The following CTXN3 variants were observed in gnomAD, a reference collection of about 807,000 sequenced individuals.
The protein encoded by CTXN3 is cortexin-3.
Under a neutral mutation model 5.0 loss-of-function variants are expected in CTXN3, and 4 were observed. The ratio of observed to expected loss-of-function variants is 0.79; its 90% CI spans 0.39 to 1.82. The LOEUF (loss-of-function observed/expected upper bound fraction) is 1.82. CTXN3 is among the 40% of genes most tolerant of loss of function. The probability of loss-of-function intolerance (pLI) is 0.04; values close to 1 mark genes in which losing one functional copy is unlikely to be tolerated. For missense variants in CTXN3, 89 were observed against 99.7 expected (o/e 0.89, Z 0.46); for synonymous variants, 48 against 38.6 (o/e 1.24, Z -0.91).
At chr5:127,650,091 A>T (rs1419985509) in intron 1 of CTXN3, among the ~76,000 whole-genome samples, 1 of 152,100 alleles carries the variant, frequency 6.6e-6, no homozygotes, top group Non-Finnish European at 1.5e-5. Flanking sequence ...TAAGAGGAAG[A>T]TGAAGATGGG....
At position 127,656,696 on chromosome 5, in the gene CTXN3, G is replaced by T. The variant is rs548146832; in HGVS notation, c.-99-727G>T. On this transcript the variant is annotated intron_variant, in intron 2 of 2. Coordinates refer to ENST00000379445, the MANE Select transcript of CTXN3 (RefSeq NM_001048252.3). ...CATAGCTCCCTTAGTTGTGTCTTAG[G>T]TGAAGCAACACTTGGCTTTGTTTGT... 2.6e-5 allele frequency among the ~76,000 whole-genome samples: 4 copies of T among 152,322 alleles called. No homozygotes were observed. In the East Asian group the frequency reaches 5.8e-4, roughly 22 times the overall value.
At chr5:127,655,498 T>C (rs1749887370) in intron 2 of CTXN3, among the ~76,000 whole-genome samples, 1 of 152,234 alleles carries the variant, frequency 6.6e-6, no homozygotes, top group African/African-American at 2.4e-5. Flanking sequence ...ATCAGCGGGC[T>C]TTCCTTTGGC....
At chr5:127,650,470 T>C (rs141142210) in intron 1 of CTXN3, among the ~76,000 whole-genome samples, 1,671 of 152,222 alleles carry the variant, frequency 0.011, 15 homozygotes, top group Non-Finnish European at 0.018. Flanking sequence ...AGGGCTGTAC[T>C]TGGAAAAAAA....
In CTXN3 at chr5:127,657,671, G is replaced by T. The variant is rs200025270; in HGVS notation, c.150G>T (p.Arg50=). The change falls in exon 3 of 3, where the codon CGG becomes CGT. Residue 50 remains arginine, a synonymous_variant. Coordinates refer to ENST00000379445, the MANE Select transcript of CTXN3 (RefSeq NM_001048252.3). ...GCATTCTCATTGTCCGGTGCTTCCG[G>T]ATTCTTTTGGATCCATATCGAAGCA... The part of the protein sequence containing the change: ...FLGILIVRCF[R]ILLDPYRSMP... The T allele has an allele frequency of 3.1e-6, 5 of 1,614,192 alleles. No individual in the cohort carries two copies. In the African/African-American group the frequency reaches 4.0e-5, roughly 13 times the overall value.
chr5:127,655,484 T>C (rs1013271621), intron 2 of CTXN3, among the ~76,000 whole-genome samples: 15 of 152,236 alleles, frequency 9.9e-5, no homozygotes, highest in African/African-American at 3.6e-4. Flanking sequence ...TCTGCTCCTC[T>C]GTCATCAGCG....
chr5:127,650,992 A>G (rs1427571318), intron 1 of CTXN3, among the ~76,000 whole-genome samples: 2 of 152,200 alleles, frequency 1.3e-5, no homozygotes, highest in Non-Finnish European at 2.9e-5. Flanking sequence ...AGCCATGTTA[A>G]CATTTCCACA....
chr5:127,650,348 T>C (rs1749759221), intron 1 of CTXN3, among the ~76,000 whole-genome samples: 1 of 152,184 alleles, frequency 6.6e-6, no homozygotes, highest in Admixed American at 6.5e-5. Flanking sequence ...TATGAAATCA[T>C]TGTTCGTAGG....
intron 1 of CTXN3, chr5:127,651,886 T>C (rs1050922276): frequency 2.0e-5 from 3 of 152,018 alleles, no homozygotes; most frequent in Non-Finnish European, 4.4e-5. Context: ...AGAGAAAGTA[T>C]TTTTTCCTTA....
chr5:127,650,714 G>A (rs1305946487), intron 1 of CTXN3, among the ~76,000 whole-genome samples: 1 of 152,158 alleles, frequency 6.6e-6, no homozygotes, highest in Non-Finnish European at 1.5e-5. Flanking sequence ...GATTTGTAGG[G>A]GAATAATATT....
chr5:127,650,591 G>A (rs1309430318), intron 1 of CTXN3, among the ~76,000 whole-genome samples: 1 of 152,128 alleles, frequency 6.6e-6, no homozygotes, highest in Non-Finnish European at 1.5e-5. Context: ...TTCTTTGCTG[G>A]TAAGCAAGAG....
intron 2 of CTXN3, among the ~76,000 whole-genome samples, chr5:127,656,412 C>T (rs149786784): frequency 2.3e-3 from 354 of 152,208 alleles, no homozygotes; most frequent in African/African-American, 8.2e-3. Context: ...GTTAGCTTGT[C>T]CTTTTCCTTC....
intron 1 of CTXN3, among the ~76,000 whole-genome samples, chr5:127,651,464 T>C (rs546091971): frequency 4.6e-5 from 7 of 152,296 alleles, no homozygotes; most frequent in African/African-American, 1.7e-4. Flanking sequence ...TCTACCATCA[T>C]TTGGCGTTGG....
chr5:127,654,827 A>AAGG (rs1281370631), intron 2 of CTXN3, among the ~76,000 whole-genome samples: 2 of 152,168 alleles, frequency 1.3e-5, no homozygotes, highest in African/African-American at 4.8e-5. Context: ...GGTCATTCTC[A>AAGG]AGGACTCAAA....
chr5:127,657,647 C>A lies in CTXN3; in HGVS notation c.126C>A (p.Gly42=). ...TGATTCTGTTGTTTATTTTCTTGGGCATTCTCATTGTCCGGTGCTTCCGGA... is the reference window on the plus strand; with the variant it reads ...TGATTCTGTTGTTTATTTTCTTGGGAATTCTCATTGTCCGGTGCTTCCGGA... The part of the protein sequence containing the change: ...VFVILLFIFL[G]ILIVRCFRIL... The change falls in exon 3 of 3, where the codon GGC becomes GGA. Residue 42 remains glycine, a synonymous_variant. Transcript: ENST00000379445. 1 of 1,614,174 alleles carries A rather than the reference C, an allele frequency of 6.2e-7. No individual in the cohort carries two copies. The highest frequency in any genetic ancestry group is 1.3e-5 in the African/African-American group (1 of 75,044).
At chr5:127,653,508 T>C (rs1381263834) in intron 2 of CTXN3, 85 bp downstream of exon 2, 1 of 152,166 alleles carries the variant, frequency 6.6e-6, no homozygotes, top group Admixed American at 6.5e-5. Flanking sequence ...CAAAATCCTT[T>C]GAAATAATAG....
At chr5:127,650,172 A>C (rs1034750416) in intron 1 of CTXN3, among the ~76,000 whole-genome samples, 1 of 152,172 alleles carries the variant, frequency 6.6e-6, no homozygotes, top group Non-Finnish European at 1.5e-5. Context: ...GCTTAAAAGC[A>C]GCAGTGAGTT....
At position 127,649,406 on chromosome 5, in the gene CTXN3, T is replaced by C. The variant is rs1354029113; in HGVS notation, c.-207+18T>C. 1 of 152,220 alleles carries C rather than the reference T, an allele frequency of 6.6e-6. No individual in the cohort carries two copies. The highest frequency in any genetic ancestry group is 1.5e-5 in the Non-Finnish European group (1 of 68,028). The allele number at this position is 152,220 out of a possible 1,614,324, so 9.4% of individuals were successfully genotyped here. A position where few individuals can be genotyped will look rare whatever the true frequency, so the allele number is the denominator to read the frequency against. On this transcript the variant is annotated intron_variant, in intron 1 of 2. Coordinates refer to ENST00000379445, the MANE Select transcript of CTXN3 (RefSeq NM_001048252.3). ...AGAGCCAGGTACTTGACCCAACCTG[T>C]ATCTTTGACGGGCTAATTAAATGCT...
chr5:127,650,730 A>T (rs1749768249), intron 1 of CTXN3, among the ~76,000 whole-genome samples: 1 of 152,208 alleles, frequency 6.6e-6, no homozygotes, highest in African/African-American at 2.4e-5. Context: ...ATATTTGCTT[A>T]TGTGGTGATT....
intron 2 of CTXN3, among the ~76,000 whole-genome samples, chr5:127,653,970 C>T (rs989540458): frequency 6.6e-6 from 1 of 152,180 alleles, no homozygotes; most frequent in African/African-American, 2.4e-5. Flanking sequence ...CCTGTTCACA[C>T]CACCATGCCT....
Sources: allele counts gnomAD v4.1 joint callset (sites outside exome capture counted in the v4.1 genomes callset), GRCh38; gene constraint gnomAD v4.1.1; transcripts MANE v1.5; gene names NCBI Gene and HGNC (gene_info 2026-07-23, HGNC 2026-07-21).